The following BIRC6 variants were observed in gnomAD, a reference collection of about 807,000 sequenced individuals.
The protein encoded by BIRC6 is baculoviral IAP repeat containing 6, also known as dual E2 ubiquitin-conjugating enzyme/E3 ubiquitin-protein ligase BIRC6.
A neutral mutation model predicts 503.3 loss-of-function variants in BIRC6; 98 were observed. The observed-to-expected ratio is 0.19, with a 90% CI of 0.17 to 0.23. The LOEUF is 0.23. Among genes scored for constraint, BIRC6 ranks in the 10% least tolerant of loss-of-function variants. The pLI, the probability that BIRC6 is intolerant of heterozygous loss-of-function variation, is 1.00. For missense variants in BIRC6, 5,360 were observed against 5,806.0 expected (o/e 0.92, Z 2.50); for synonymous variants, 2,240 against 2,078.7 (o/e 1.08, Z -2.11).
chr2:32,370,790 TTGAA>T (rs1304438881), intron 1 of BIRC6, among the ~76,000 whole-genome samples: 3 of 152,130 alleles, frequency 2.0e-5, no homozygotes, highest in African/African-American at 7.2e-5. Context: ...TTTATTGACT[TTGAA>T]TGATCTTTGC....
chr2:32,476,512 T>C (rs1360136006), intron 34 of BIRC6, among the ~76,000 whole-genome samples, 168 bp downstream of exon 34: 1 of 152,150 alleles, frequency 6.6e-6, no homozygotes, highest in African/African-American at 2.4e-5. Flanking sequence ...GTATGATAAA[T>C]GTGGTATTTA....
At chr2:32,545,506 G>A (rs1455469858) in intron 62 of BIRC6, 137 bp from the exon 63 acceptor site, 1 of 706,076 alleles carries the variant, frequency 1.4e-6, no homozygotes, top group African/African-American at 1.8e-5. Flanking sequence ...TGTTGTATTT[G>A]TGGTATTTGG....
rs769732257 is a variant in BIRC6, at chr2:32,607,458, T to C, written c.14074T>C (p.Leu4692=). 6.5e-7 allele frequency: 1 copy of C among 1,532,052 alleles called. No homozygotes were observed. Among genetic ancestry groups the C allele is most frequent in the South Asian group, 1.3e-5 (1 of 79,600 alleles). The allele number at this position is 1,532,052 out of a possible 1,614,324, so 94.9% of individuals were successfully genotyped here. The part of the protein sequence containing the change: ...NPQTSSFLQV[L]VSVQSLILVA... ...GTTCTTTTCCTTTATTCTTTAGGTG[T>C]TGGTGTCTGTCCAGTCCCTTATATT... The change falls in exon 72 of 74, where the codon TTG becomes CTG. Residue 4692 remains leucine (L), a synonymous_variant. Coordinates refer to ENST00000421745, the MANE Select transcript of BIRC6 (RefSeq NM_016252.4).
Position 32,575,146 on chromosome 2 carries a change from C to T in BIRC6, c.13145-10C>T, listed in dbSNP as rs550223447. On this transcript the variant is annotated splice_polypyrimidine_tract_variant and intron_variant, in intron 65 of 73. Coordinates refer to ENST00000421745, the MANE Select transcript of BIRC6 (RefSeq NM_016252.4). ...TGCTCATTTTGTGCTTTTTCTTCTT[C>T]TCCTTATAGTTCTGGACATGGCAAG... is the stretch of plus-strand genomic sequence containing the variant. 2 of 1,613,368 alleles carry T rather than the reference C, an allele frequency of 1.2e-6. No individual in the cohort carries two copies.
At chr2:32,371,242 G>GAAAAAAAAAAAAAAAAAAAAAAAAAAAA (rs2035900720) in intron 1 of BIRC6, among the ~76,000 whole-genome samples, 1 of 145,260 alleles carries the variant, frequency 6.9e-6, no homozygotes, top group African/African-American at 2.6e-5. Context: ...AAAAAAAAAG[G>GAAAAAAAAAAAAAAAAAAAAAAAAAAAA]AAATTTTCAG....
At chr2:32,428,829 A>G (rs2043803689) in intron 10 of BIRC6, among the ~76,000 whole-genome samples, 2 of 152,220 alleles carry the variant, frequency 1.3e-5, no homozygotes, top group African/African-American at 4.8e-5. Flanking sequence ...CCACAGTAAT[A>G]GTTCTACCAC....
At position 32,477,602 on chromosome 2, in the gene BIRC6, T is replaced by C; in HGVS notation, c.7068+19T>C. ...TTGTAAGGTATGTAAACTATAAGTG[T>C]AGACTTACAGGGTTGGCCGGGCGCA... On this transcript the variant is annotated intron_variant, in intron 35 of 73. Coordinates refer to ENST00000421745, the MANE Select transcript of BIRC6 (RefSeq NM_016252.4). The C allele has an allele frequency of 6.2e-7, 1 of 1,603,864 alleles. No homozygotes were observed. Among genetic ancestry groups the C allele is most frequent in the Non-Finnish European group, 8.5e-7 (1 of 1,172,384 alleles).
chr2:32,443,453 T>A, intron 19 of BIRC6, 38 bp from the exon 20 acceptor site: 1 of 1,411,774 alleles, frequency 7.1e-7, no homozygotes, highest in Non-Finnish European at 9.7e-7. Flanking sequence ...AGACCTTGAG[T>A]AATGTCTTTA....
intron 65 of BIRC6, among the ~76,000 whole-genome samples, chr2:32,572,801 G>A (rs1312372237): frequency 6.6e-6 from 1 of 152,142 alleles, no homozygotes; most frequent in East Asian, 1.9e-4. Context: ...TCACTGGAAG[G>A]TGTAAAATGA....
chr2:32,574,953 G>T (rs1406080024), intron 65 of BIRC6: 1 of 583,800 alleles, frequency 1.7e-6, no homozygotes, highest in Non-Finnish European at 3.0e-6. Flanking sequence ...TCTACATGTT[G>T]GTCAGGCTGG....
chr2:32,522,624 G>A (rs1254498253), intron 57 of BIRC6: 3 of 152,080 alleles, frequency 2.0e-5, no homozygotes, highest in African/African-American at 7.2e-5. Flanking sequence ...GTTTGAAAAT[G>A]CAGTTCTAAA....
Position 32,525,565 on chromosome 2 carries a change from G to A in BIRC6, c.11857G>A (p.Ala3953Thr). ...TGATAAAATAGGAAGTACTTCAGGA[G>A]CAGAGGCTGCCAACAAAATAATTAC... ...IPDKIGSTSGAEAANKIITVP... is the reference protein window; with the variant it reads ...IPDKIGSTSGTEAANKIITVP... The change falls in exon 59 of 74, where the codon GCA (alanine) becomes ACA (threonine). Residue 3953 changes from alanine to threonine, a missense_variant. Around this residue, in one of 16 missense-constraint regions of BIRC6, gnomAD observed 878 missense variants for 928.9 expected, o/e 0.95. Coordinates refer to ENST00000421745, the MANE Select transcript of BIRC6 (RefSeq NM_016252.4). 6.2e-7 allele frequency: 1 copy of A among 1,613,970 alleles called. No homozygotes were observed. The highest frequency in any genetic ancestry group is 1.3e-5 in the African/African-American group (1 of 75,046).
intron 68 of BIRC6, among the ~76,000 whole-genome samples, 157 bp downstream of exon 68, chr2:32,595,301 G>T (rs1220083606): frequency 4.6e-5 from 7 of 152,022 alleles, no homozygotes; most frequent in African/African-American, 1.7e-4. Context: ...TTTGCCTCTT[G>T]AATTTATGTC....
intron 64 of BIRC6, 67 bp from the exon 65 acceptor site, chr2:32,549,246 C>A: frequency 8.5e-7 from 1 of 1,180,872 alleles, no homozygotes; most frequent in East Asian, 2.6e-5. Flanking sequence ...GATTGAATTT[C>A]TAACCTACAA....
chr2:32,362,989 A>G (rs564794736), intron 1 of BIRC6, among the ~76,000 whole-genome samples: 5 of 152,294 alleles, frequency 3.3e-5, no homozygotes, highest in Non-Finnish European at 7.4e-5. Flanking sequence ...TACTTACCAG[A>G]CAAGTGCCCC....
At chr2:32,486,521 T>C (rs72867292) in intron 40 of BIRC6, among the ~76,000 whole-genome samples, 4,904 of 152,116 alleles carry the variant, frequency 0.032, 268 homozygotes, top group African/African-American at 0.11. Flanking sequence ...CAAGGACAGA[T>C]TGGGGAGCTG....
At chr2:32,507,862 C>G in intron 50 of BIRC6, 118 bp from the exon 51 acceptor site, 2 of 918,836 alleles carry the variant, frequency 2.2e-6, no homozygotes, top group Non-Finnish European at 3.1e-6. Context: ...ATAAGTTTTC[C>G]TTTTACAAGT....
chr2:32,424,621 T>C (rs995441938), intron 10 of BIRC6, among the ~76,000 whole-genome samples: 1 of 151,426 alleles, frequency 6.6e-6, no homozygotes, highest in Non-Finnish European at 1.5e-5. Flanking sequence ...CTCTAGTGAG[T>C]CTCCTGCCTC....
chr2:32,579,136 T>TTGC (rs1019832577), intron 66 of BIRC6, among the ~76,000 whole-genome samples: 2 of 150,476 alleles, frequency 1.3e-5, no homozygotes, highest in Admixed American at 6.6e-5. Context: ...GTGATTGTGG[T>TTGC]TGCATATAAT....
Sources: allele counts gnomAD v4.1 joint callset (sites outside exome capture counted in the v4.1 genomes callset), GRCh38; gene constraint gnomAD v4.1.1; regional missense constraint gnomAD v4.1.1; transcripts MANE v1.5; gene names NCBI Gene and HGNC (gene_info 2026-07-23, HGNC 2026-07-21).